Variants in IL1RAPL2 observed in about 807,000 individuals in gnomAD.
The protein encoded by IL1RAPL2 is X-linked interleukin-1 receptor accessory protein-like 2.
A neutral mutation model predicts 44.1 loss-of-function variants in IL1RAPL2; 3 were observed. The ratio of observed to expected loss-of-function variants is 0.07; its 90% CI spans 0.03 to 0.18. The LOEUF is 0.18. Ranked by LOEUF, IL1RAPL2 falls within the 10% of genes least tolerant of loss-of-function variation. The probability of loss-of-function intolerance (pLI) is 1.00; values close to 1 mark genes in which losing one functional copy is unlikely to be tolerated. For missense variants in IL1RAPL2, 391 were observed against 496.4 expected (o/e 0.79, Z 2.02); for synonymous variants, 181 against 178.8 (o/e 1.01, Z -0.10).
intron 2 of IL1RAPL2, among the ~76,000 whole-genome samples, chrX:105,129,339 G>GC (rs1174140874): frequency 2.7e-5 from 3 of 110,489 alleles, no homozygotes; most frequent in African/African-American, 9.9e-5. Context: ...TTTTATAAGG[G>GC]CACTAATCTC....
chrX:105,447,172 TATATATATAAATATAA>T (rs2035966287), intron 5 of IL1RAPL2, among the ~76,000 whole-genome samples: 1 of 33,135 alleles, frequency 3.0e-5, no homozygotes, highest in Non-Finnish European at 4.6e-5. Flanking sequence ...TATATATAAA[TATATATATAAATATAA>T]ATATATATAA....
Position 105,670,305 on chromosome X carries a change from C to CT in IL1RAPL2, c.773-47049dup, listed in dbSNP as rs760894864. ...AAATTTAGTGTAATCTTGTCTATAT[C>CT]TTTTTTTTTTTTTGAGACGGAGTCT... On this transcript the variant is annotated intron_variant, in intron 6 of 10. Transcript: ENST00000372582. Among the ~76,000 whole-genome samples, 397 of 92,589 alleles carry CT rather than the reference C, an allele frequency of 4.3e-3. 4 individuals carry two copies. Among genetic ancestry groups the CT allele is most frequent in the African/African-American group, 0.012 (312 of 25,554 alleles). 80.4% of individuals were successfully genotyped at this position (92,589 alleles called of 115,157 possible). A position where few individuals can be genotyped will look rare whatever the true frequency, so the allele number is the denominator to read the frequency against.
At position 105,478,518 on chromosome X, in the gene IL1RAPL2, T is replaced by A. The variant is rs143251787; in HGVS notation, c.698-5795T>A. Among the ~76,000 whole-genome samples the A allele has an allele frequency of 7.7e-3, 860 of 111,209 alleles. 8 individuals are homozygous for A. The highest frequency in any genetic ancestry group is 0.027 in the African/African-American group (823 of 30,616). ...ATCAAAGTGAAACAAGGACAAAACATTTAACCAAGATACAACACAATAAAA... is the reference window on the plus strand; with the variant it reads ...ATCAAAGTGAAACAAGGACAAAACAATTAACCAAGATACAACACAATAAAA... On this transcript the variant is annotated intron_variant, in intron 5 of 10. Coordinates refer to ENST00000372582, the MANE Select transcript of IL1RAPL2 (RefSeq NM_017416.2).
intron 2 of IL1RAPL2, among the ~76,000 whole-genome samples, chrX:105,018,027 C>T (rs780345602): frequency 9.0e-6 from 1 of 111,589 alleles, no homozygotes; most frequent in African/African-American, 3.2e-5. Flanking sequence ...CCCCCCACTA[C>T]GTGTGCCTGG....
Position 105,363,980 on chromosome X carries a change from T to A in IL1RAPL2, c.697+96439T>A, listed in dbSNP as rs956546543. The stretch of plus-strand genomic sequence containing the variant: ...AATATATTTTTGCTCTTGTTGCCTA[T>A]GCTTTTGTAGTTCTATTCAAGAAAT... On this transcript the variant is annotated intron_variant, in intron 5 of 10. Transcript: ENST00000372582. 2.7e-5 allele frequency among the ~76,000 whole-genome samples: 3 copies of A among 111,930 alleles called. No homozygotes were observed. In the Admixed American group the frequency reaches 2.9e-4, roughly 11 times the overall value.
intron 5 of IL1RAPL2, among the ~76,000 whole-genome samples, chrX:105,355,476 C>A (rs73519398): frequency 2.7e-4 from 30 of 110,650 alleles, no homozygotes; most frequent in African/African-American, 9.9e-4. Context: ...AGTTTGGGTG[C>A]GCCGTAGCAG....
chrX:105,657,727 C>T (rs1160308991), intron 6 of IL1RAPL2, among the ~76,000 whole-genome samples: 1 of 111,782 alleles, frequency 8.9e-6, no homozygotes, highest in Non-Finnish European at 1.9e-5. Context: ...GATTCTTGTG[C>T]CTCAGCCTCC....
At chrX:105,447,361 A>T (rs1316317775) in intron 5 of IL1RAPL2, among the ~76,000 whole-genome samples, 1 of 67,957 alleles carries the variant, frequency 1.5e-5, no homozygotes, top group African/African-American at 6.2e-5. Context: ...ATATAAATAT[A>T]TAAATATAAA....
At chrX:105,219,417 A>C in intron 3 of IL1RAPL2, 2 of 1,209,772 alleles carry the variant, frequency 1.7e-6, no homozygotes, top group Non-Finnish European at 2.2e-6. Context: ...TCTGCCCCCA[A>C]TAGGTGTACT....
intron 2 of IL1RAPL2, among the ~76,000 whole-genome samples, chrX:105,156,786 A>G (rs1405280246): frequency 8.9e-6 from 1 of 112,273 alleles, no homozygotes; most frequent in East Asian, 2.8e-4. Flanking sequence ...TATTTATTTG[A>G]TCTCGAGACC....
chrX:105,126,734 T>G (rs765722835), intron 2 of IL1RAPL2, among the ~76,000 whole-genome samples: 1 of 111,363 alleles, frequency 9.0e-6, no homozygotes, highest in East Asian at 2.8e-4. Flanking sequence ...CTCTTTATCT[T>G]AGTTCTCATT....
intron 2 of IL1RAPL2, among the ~76,000 whole-genome samples, chrX:105,178,972 C>T (rs2033502757): frequency 9.0e-6 from 1 of 111,653 alleles, no homozygotes; most frequent in Non-Finnish European, 1.9e-5. Flanking sequence ...ATTATTACTT[C>T]TACTGTGAAG....
At chrX:105,741,780 G>C (rs971820283) in intron 8 of IL1RAPL2, among the ~76,000 whole-genome samples, 1 of 111,945 alleles carries the variant, frequency 8.9e-6, no homozygotes, top group Admixed American at 9.5e-5. Flanking sequence ...TCCTGGTTCA[G>C]TAGGACTGAC....
At chrX:105,557,650 C>G (rs2036905829) in intron 6 of IL1RAPL2, among the ~76,000 whole-genome samples, 1 of 111,240 alleles carries the variant, frequency 9.0e-6, no homozygotes, top group Non-Finnish European at 1.9e-5. Context: ...CATCCTGGAG[C>G]ACAACTCCAA....
At chrX:105,423,651 T>G (rs1011439864) in intron 5 of IL1RAPL2, among the ~76,000 whole-genome samples, 10 of 111,277 alleles carry the variant, frequency 9.0e-5, no homozygotes, top group Admixed American at 3.8e-4. Flanking sequence ...TTAAGACAAG[T>G]TAGTTGTTAA....
intron 5 of IL1RAPL2, among the ~76,000 whole-genome samples, chrX:105,395,870 TA>T (rs2147732652): frequency 8.9e-6 from 1 of 112,135 alleles, no homozygotes; most frequent in East Asian, 2.8e-4. Flanking sequence ...ATGCAAATTC[TA>T]AAGTTCAACA....
At chrX:105,011,879 A>C in intron 2 of IL1RAPL2, among the ~76,000 whole-genome samples, 1 of 110,721 alleles carries the variant, frequency 9.0e-6, no homozygotes, top group Non-Finnish European at 1.9e-5. Flanking sequence ...CTATTTCATA[A>C]TTCACCTGAC....
chrX:104,608,484 T>A (rs1929068745), intron 1 of IL1RAPL2, among the ~76,000 whole-genome samples: 1 of 110,647 alleles, frequency 9.0e-6, no homozygotes, highest in Admixed American at 9.7e-5. Flanking sequence ...TCTTTGTAGT[T>A]CTCTAAGAAC....
chrX:104,782,322 G>A (rs186679780), intron 2 of IL1RAPL2, among the ~76,000 whole-genome samples: 27 of 110,617 alleles, frequency 2.4e-4, no homozygotes, highest in African/African-American at 7.2e-4. Context: ...CAAGTAGAGG[G>A]CATCAGTAGG....
Sources: allele counts gnomAD v4.1 joint callset (sites outside exome capture counted in the v4.1 genomes callset), GRCh38; gene constraint gnomAD v4.1.1; transcripts MANE v1.5; gene names NCBI Gene and HGNC (gene_info 2026-07-23, HGNC 2026-07-21).